PRKD2: variants seen among roughly 807,000 people sequenced by gnomAD.
PRKD2 encodes protein kinase D2.
Under a neutral mutation model 86.0 loss-of-function variants are expected in PRKD2, and 22 were observed. The ratio of observed to expected loss-of-function variants is 0.26; its 90% CI spans 0.18 to 0.37. PRKD2 has a LOEUF of 0.37. Among genes scored for constraint, PRKD2 ranks in the 10% least tolerant of loss-of-function variants. PRKD2 has a pLI of 1.00. For synonymous variants in PRKD2, 509 were observed against 510.9 expected (o/e 1.00, Z 0.05); for missense variants, 818 against 1,199.2 (o/e 0.68, Z 4.70).
chr19:46,696,291 C>A (rs970326023), intron 9 of PRKD2, among the ~76,000 whole-genome samples: 1 of 151,932 alleles, frequency 6.6e-6, no homozygotes, highest in Non-Finnish European at 1.5e-5. Context: ...GGGGGTTTGA[C>A]GGTTTTAATG....
chr19:46,681,583 T>TTCC, intron 15 of PRKD2, 67 bp downstream of exon 15: 7 of 671,504 alleles, frequency 1.0e-5, no homozygotes, highest in South Asian at 1.5e-5. Context: ...ATAATCCCCT[T>TTCC]CCCCACCCCC....
Position 46,682,173 on chromosome 19 carries a change from A to AT in PRKD2, c.1972-426dup, listed in dbSNP as rs542366520. Among the ~76,000 whole-genome samples, 488 of 151,550 alleles carry AT rather than the reference A, an allele frequency of 3.2e-3. 1 individual carries two copies. The highest frequency in any genetic ancestry group is 3.6e-3 in the Non-Finnish European group (241 of 67,880). ...AGGCGCTGGCCACTATGCCCAGCTAATTTTTTCTATTTTTAGTAGAGATGG... is the reference window on the plus strand; with the variant it reads ...AGGCGCTGGCCACTATGCCCAGCTAATTTTTTTCTATTTTTAGTAGAGATGG... On this transcript the variant is annotated intron_variant, in intron 14 of 17. Transcript: ENST00000291281.
At chr19:46,695,028 C>G (rs189466397) in intron 9 of PRKD2, among the ~76,000 whole-genome samples, 41 of 151,848 alleles carry the variant, frequency 2.7e-4, no homozygotes, top group African/African-American at 9.7e-4. Context: ...ACAATGAGAC[C>G]CCCATCTCTA....
At chr19:46,710,732 T>A in intron 3 of PRKD2, 175 bp downstream of exon 3, 3 of 726,812 alleles carry the variant, frequency 4.1e-6, no homozygotes, top group Admixed American at 3.2e-5. Context: ...CCACCACTCC[T>A]TCCCCAAGCT....
Position 46,681,785 on chromosome 19 carries a change from T to C in PRKD2, c.1972-37A>G, listed in dbSNP as rs766844089. The C allele has an allele frequency of 5.6e-6, 8 of 1,417,446 alleles. No homozygotes were observed. The East Asian group carries it at 6.9e-5, about 12-fold the overall frequency. The allele number at this position is 1,417,446 out of a possible 1,614,324, so 87.8% of individuals were successfully genotyped here. A position where few individuals can be genotyped will look rare whatever the true frequency, so the allele number is the denominator to read the frequency against. On this transcript the variant is annotated intron_variant, in intron 14 of 17. Transcript: ENST00000291281. The stretch of plus-strand genomic sequence containing the variant: ...AGATGGGCCCAGTAAGAAAGGTAGA[T>C]AGGTACTCAGCCAAATCCCAACCTC...
At position 46,716,439 on chromosome 19, in the gene PRKD2, G is replaced by A; in HGVS notation, c.-69C>T. 1.0e-6 allele frequency: 1 copy of A among 953,534 alleles called. No individual in the cohort carries two copies. Among genetic ancestry groups the A allele is most frequent in the Non-Finnish European group, 1.5e-6 (1 of 677,916 alleles). 59.1% of individuals were successfully genotyped at this position (953,534 alleles called of 1,614,324 possible). ...CGGCCGGGGGGCCCCGGGGGACCCT[G>A]GGTTCTAGATCCGCGGGATCTCGTG... On this transcript the variant is annotated 5_prime_UTR_variant, in exon 1 of 18. Coordinates refer to ENST00000291281, the MANE Select transcript of PRKD2 (RefSeq NM_016457.5). This position sits in a 1 kb window ranked among gnomAD's most constrained non-coding sequence, Gnocchi z 7.9.
chr19:46,701,365 A>G (rs1243871892), intron 5 of PRKD2, among the ~76,000 whole-genome samples: 1 of 151,696 alleles, frequency 6.6e-6, no homozygotes, highest in Non-Finnish European at 1.5e-5. Context: ...TCCCGCCTGT[A>G]ATCTCGGTAT....
At chr19:46,688,919 C>G (rs2053441783) in intron 14 of PRKD2, 1 of 152,144 alleles carries the variant, frequency 6.6e-6, no homozygotes, top group Non-Finnish European at 1.5e-5. Context: ...TGCTTTGCAA[C>G]CTGGTGGTCC....
chr19:46,686,808 G>A (rs962654703), intron 14 of PRKD2, among the ~76,000 whole-genome samples: 9 of 151,834 alleles, frequency 5.9e-5, no homozygotes, highest in South Asian at 2.1e-4. Context: ...AAAATTAGCC[G>A]GGCGTGGTGG....
chr19:46,715,139 A>T (rs1408761088), intron 1 of PRKD2, among the ~76,000 whole-genome samples: 3 of 151,954 alleles, frequency 2.0e-5, no homozygotes, highest in Non-Finnish European at 4.4e-5. Flanking sequence ...TTAGGATTTC[A>T]ATAACCTAAA....
chr19:46,708,234 C>T (rs1022244683), intron 3 of PRKD2, among the ~76,000 whole-genome samples: 3 of 151,054 alleles, frequency 2.0e-5, no homozygotes, highest in Admixed American at 6.6e-5. Flanking sequence ...TATCTGGAGA[C>T]GGTGCCTTTA....
At chr19:46,687,623 G>A (rs2053421027) in intron 14 of PRKD2, among the ~76,000 whole-genome samples, 1 of 152,178 alleles carries the variant, frequency 6.6e-6, no homozygotes, top group Non-Finnish European at 1.5e-5. Flanking sequence ...TGAGTTTGAA[G>A]AGTGCTTGGC....
chr19:46,715,479 C>T (rs890406344), intron 1 of PRKD2, among the ~76,000 whole-genome samples: 2 of 152,234 alleles, frequency 1.3e-5, no homozygotes, highest in Non-Finnish European at 2.9e-5. Context: ...TAACATTTCA[C>T]GGTTTAGACG....
In PRKD2 at chr19:46,712,149, C is replaced by T. The variant is rs569226230; in HGVS notation, c.380-1111G>A. 5.3e-5 allele frequency among the ~76,000 whole-genome samples: 8 copies of T among 151,526 alleles called. No individual in the cohort carries two copies. The South Asian group carries it at 6.3e-4, about 12-fold the overall frequency. ...GTCCAGCCACCTCAGGAGGCTGAGG[C>T]GGGATGATTGCTTCAGTCTGGGAGG... On this transcript the variant is annotated intron_variant, in intron 2 of 17. Transcript: ENST00000291281.
intron 9 of PRKD2, among the ~76,000 whole-genome samples, chr19:46,695,046 T>TA (rs1050678667): frequency 6.3e-4 from 94 of 149,614 alleles, no homozygotes; most frequent in African/African-American, 2.2e-3. Context: ...CTACAAAAAA[T>TA]AAAAAAACTA....
chr19:46,675,586 GGT>G (rs1180839358), intron 16 of PRKD2, among the ~76,000 whole-genome samples: 1 of 152,118 alleles, frequency 6.6e-6, no homozygotes, highest in Non-Finnish European at 1.5e-5. Context: ...TAGGAATACA[GGT>G]GTGTGTCACC....
intron 1 of PRKD2, among the ~76,000 whole-genome samples, chr19:46,715,159 A>C (rs1465422963): frequency 6.6e-6 from 1 of 151,910 alleles, no homozygotes; most frequent in Non-Finnish European, 1.5e-5. Flanking sequence ...ATAAGCGGTA[A>C]TCTAATATTT....
At chr19:46,705,924 C>A (rs1030582291) in intron 3 of PRKD2, among the ~76,000 whole-genome samples, 1 of 152,204 alleles carries the variant, frequency 6.6e-6, no homozygotes, top group South Asian at 2.1e-4. Flanking sequence ...ATGGCACAAT[C>A]ATAGCTCACT....
chr19:46,692,303 G>A (rs575186159), intron 10 of PRKD2, among the ~76,000 whole-genome samples: 3 of 152,210 alleles, frequency 2.0e-5, no homozygotes, highest in African/African-American at 7.2e-5. Context: ...GAGGCAGACT[G>A]ACCCCATTGT....
Sources: allele counts gnomAD v4.1 joint callset (sites outside exome capture counted in the v4.1 genomes callset), GRCh38; gene constraint gnomAD v4.1.1; non-coding constraint Gnocchi (gnomAD v3.1); transcripts MANE v1.5; gene names NCBI Gene and HGNC (gene_info 2026-07-23, HGNC 2026-07-21).